The following PLA2G4C variants were observed in gnomAD, a reference collection of about 807,000 sequenced individuals.
PLA2G4C encodes cytosolic phospholipase A2 gamma.
In PLA2G4C, 64 loss-of-function variants were observed where a neutral mutation model predicts 73.8. That is an observed-to-expected ratio of 0.87 (90% CI 0.71 to 1.07). PLA2G4C has a LOEUF of 1.07. Ranked by LOEUF, PLA2G4C falls within the 50% of genes least tolerant of loss-of-function variation. The pLI is 0.00. For synonymous variants in PLA2G4C, 254 were observed against 252.1 expected, an observed-to-expected ratio of 1.01 and a Z score of -0.07; for missense variants, 622 against 665.4, an observed-to-expected ratio of 0.93 and a Z score of 0.72.
Position 48,099,906 on chromosome 19 carries a change from C to T in PLA2G4C, c.258-46G>A, listed in dbSNP as rs755112577. ...GTGAGTTGGGCATTTTAAGTGTGGACGATGAAGACTGGGGAAAGATGTGTG... is the reference window on the plus strand; with the variant it reads ...GTGAGTTGGGCATTTTAAGTGTGGATGATGAAGACTGGGGAAAGATGTGTG... On this transcript the variant is annotated intron_variant, in intron 4 of 16. Transcript: ENST00000599921. 6.2e-5 allele frequency: 84 copies of T among 1,360,398 alleles called. 2 individuals carry two copies. Among genetic ancestry groups the T allele is most frequent in the South Asian group, 3.8e-4 (31 of 81,024 alleles). The allele number at this position is 1,360,398 out of a possible 1,614,324, so 84.3% of individuals were successfully genotyped here. A position where few individuals can be genotyped will look rare whatever the true frequency, so the allele number is the denominator to read the frequency against.
chr19:48,079,104 G>A (rs896307008), intron 10 of PLA2G4C, among the ~76,000 whole-genome samples: 3 of 152,078 alleles, frequency 2.0e-5, no homozygotes, highest in Non-Finnish European at 4.4e-5. Flanking sequence ...CTGACCTCAG[G>A]TGATCCACCC....
intron 4 of PLA2G4C, 118 bp from the exon 5 acceptor site, chr19:48,099,978 C>T (rs2031814750): frequency 3.2e-6 from 2 of 626,642 alleles, no homozygotes; most frequent in African/African-American, 1.9e-5. Flanking sequence ...GAGGGCGACA[C>T]ACAGAGGAAA....
chr19:48,104,403 C>T (rs1015694384), intron 4 of PLA2G4C, 185 bp downstream of exon 4: 7 of 565,426 alleles, frequency 1.2e-5, no homozygotes, highest in Non-Finnish European at 1.5e-5. Context: ...CCCCTTTCAC[C>T]TGTGGAATCT....
intron 16 of PLA2G4C, among the ~76,000 whole-genome samples, chr19:48,050,635 T>C (rs943685965): frequency 1.3e-5 from 2 of 148,386 alleles, no homozygotes; most frequent in African/African-American, 4.9e-5. Context: ...CTCCTAATGA[T>C]GTCCCTATCC....
At chr19:48,062,524 C>T (rs2122485424) in intron 13 of PLA2G4C, among the ~76,000 whole-genome samples, 1 of 152,238 alleles carries the variant, frequency 6.6e-6, no homozygotes, top group Non-Finnish European at 1.5e-5. Flanking sequence ...GCAGGAGGAT[C>T]ACTTGAACCC....
chr19:48,052,051 T>A (rs1005482808), intron 16 of PLA2G4C: 2 of 151,902 alleles, frequency 1.3e-5, no homozygotes, highest in African/African-American at 4.8e-5. Context: ...AGCTAATTTT[T>A]AAAATTATTT....
At chr19:48,088,926 G>A (rs11564552) in intron 8 of PLA2G4C, among the ~76,000 whole-genome samples, 62,938 of 151,982 alleles carry the variant, frequency 0.41, 13,610 homozygotes, top group East Asian at 0.58. Context: ...AGTTGGCCAC[G>A]GTGGGAACAT....
chr19:48,083,392 C>CTTTTT, intron 10 of PLA2G4C, among the ~76,000 whole-genome samples: 5 of 105,812 alleles, frequency 4.7e-5, no homozygotes, highest in South Asian at 3.3e-4. Context: ...ATTTTCTTTT[C>CTTTTT]TTTTTTTTTT....
intron 9 of PLA2G4C, among the ~76,000 whole-genome samples, chr19:48,087,311 G>A (rs1028841334): frequency 2.0e-5 from 3 of 152,172 alleles, no homozygotes; most frequent in African/African-American, 4.8e-5. Context: ...TGGATAAGGG[G>A]ATGTCTTTCC....
chr19:48,077,629 C>A, intron 11 of PLA2G4C, 142 bp downstream of exon 11: 1 of 570,890 alleles, frequency 1.8e-6, no homozygotes, highest in East Asian at 3.3e-5. Flanking sequence ...CCTCAGGCAC[C>A]TGGGAGAGTC....
At chr19:48,066,790 C>A (rs1968440704) in intron 13 of PLA2G4C, among the ~76,000 whole-genome samples, 1 of 151,784 alleles carries the variant, frequency 6.6e-6, no homozygotes, top group African/African-American at 2.4e-5. Context: ...CATAGTGAGA[C>A]CCCATCTCTA....
At chr19:48,107,425 G>A (rs540499916) in intron 1 of PLA2G4C, among the ~76,000 whole-genome samples, 182 of 152,280 alleles carry the variant, frequency 1.2e-3, no homozygotes, top group Middle Eastern at 3.4e-3. Flanking sequence ...TTGGGAGGCC[G>A]AGGCAGTCAG....
chr19:48,075,278 G>GT (rs2030072526), intron 11 of PLA2G4C, among the ~76,000 whole-genome samples: 1 of 151,128 alleles, frequency 6.6e-6, no homozygotes, highest in African/African-American at 2.5e-5. Context: ...CTGCCTCCCA[G>GT]TTTCAAGAAA....
At chr19:48,105,947 CTTCTTTCT>C (rs1216106059) in intron 2 of PLA2G4C, among the ~76,000 whole-genome samples, 779 of 9,120 alleles carry the variant, frequency 0.085, 80 homozygotes, top group Admixed American at 0.12. Context: ...CCCTCCCTCC[CTTCTTTCT>C]TTCTTTCTTT....
chr19:48,054,288 A>G (rs1985341), intron 15 of PLA2G4C, among the ~76,000 whole-genome samples: 94,533 of 151,700 alleles, frequency 0.62, 30,638 homozygotes, highest in East Asian at 0.9. Context: ...TTGAGTTCTC[A>G]CGAGACCTGA....
chr19:48,083,446 TTTTTC>T (rs2030765874), intron 10 of PLA2G4C, among the ~76,000 whole-genome samples: 5 of 130,058 alleles, frequency 3.8e-5, no homozygotes, highest in African/African-American at 9.7e-5. Context: ...TTCTTTTTCT[TTTTTC>T]TTTTTTTTTT....
At chr19:48,055,135 ACCTCAG>A in intron 14 of PLA2G4C, 86 bp from the exon 15 acceptor site, 1 of 1,102,500 alleles carries the variant, frequency 9.1e-7, no homozygotes, top group East Asian at 2.4e-5. Flanking sequence ...ACCCAATGGG[ACCTCAG>A]CTAACAGCCC....
chr19:48,109,644 GTTTAT>G (rs1277939733), intron 1 of PLA2G4C, among the ~76,000 whole-genome samples: 7 of 151,674 alleles, frequency 4.6e-5, no homozygotes, highest in Admixed American at 2.0e-4. Context: ...GGTTTGATTG[GTTTAT>G]TTTATTTTAT....
rs1432070321 is a variant in PLA2G4C, at chr19:48,072,497, C to G, written c.1006+2270G>C. On this transcript the variant is annotated intron_variant, in intron 12 of 16. Transcript: ENST00000599921. The surrounding 1 kb of genome is among the most constrained non-coding windows in gnomAD (Gnocchi z 4.4). ...TGCCAGACTGAAGTCAGTAGATGAA[C>G]TCTGGCTGACTTTCCCCACATTTCC... 1.3e-5 allele frequency: 2 copies of G among 152,210 alleles called. No individual in the cohort carries two copies. Among genetic ancestry groups the G allele is most frequent in the African/African-American group, 4.8e-5 (2 of 41,452 alleles). The allele number at this position is 152,210 out of a possible 1,614,324, so 9.4% of individuals were successfully genotyped here.
Sources: gnomAD v4.1 joint callset for allele counts (sites outside exome capture counted in the v4.1 genomes callset) on GRCh38, gnomAD v4.1.1 for gene constraint, Gnocchi (gnomAD v3.1) non-coding constraint, MANE v1.5 for transcripts, NCBI Gene and HGNC (gene_info 2026-07-23, HGNC 2026-07-21) for gene names.